The following RFX8 variants were observed in gnomAD, a reference collection of about 807,000 sequenced individuals.
RFX8 encodes the protein DNA-binding protein RFX8.
RFX8 carries 46 observed loss-of-function variants against 54.6 expected under a neutral mutation model. The ratio of observed to expected loss-of-function variants is 0.84; its 90% CI spans 0.67 to 1.08. RFX8 has a LOEUF of 1.08. Among genes scored for constraint, RFX8 ranks in the 50% least tolerant of loss-of-function variants. The pLI is 0.00. For synonymous variants in RFX8, 192 were observed against 209.5 expected, an observed-to-expected ratio of 0.92 and a Z score of 0.72; for missense variants, 536 against 562.3, an observed-to-expected ratio of 0.95 and a Z score of 0.47.
chr2:101,436,402 G>A (rs1231290621), intron 2 of RFX8, among the ~76,000 whole-genome samples: 5 of 152,082 alleles, frequency 3.3e-5, no homozygotes, highest in African/African-American at 1.2e-4. Context: ...AGATGCCCTT[G>A]AACAGCCTGT....
At chr2:101,465,896 T>G (rs1689548286) in intron 2 of RFX8, among the ~76,000 whole-genome samples, 1 of 152,098 alleles carries the variant, frequency 6.6e-6, no homozygotes, top group Non-Finnish European at 1.5e-5. Flanking sequence ...ATAATTGAAG[T>G]CATAACGAAA....
rs1387442183 is a variant in RFX8, at chr2:101,397,535, CAAAT to C, written c.*9_*12del. 2 of 1,499,198 alleles carry C rather than the reference CAAAT, an allele frequency of 1.3e-6. No individual in the cohort carries two copies. Among genetic ancestry groups the C allele is most frequent in the South Asian group, 1.3e-5 (1 of 76,616 alleles). The allele number at this position is 1,499,198 out of a possible 1,614,324, so 92.9% of individuals were successfully genotyped here. On this transcript the variant is annotated 3_prime_UTR_variant, in exon 12 of 12. Coordinates refer to ENST00000428343, the MANE Select transcript of RFX8 (RefSeq NM_001145664.2). ...TCTATCAGTTTTCTTATTCTCTATT[CAAAT>C]AAATAATCTCACACATTAGCATTGT...
chr2:101,427,134 T>C (rs7608371), intron 2 of RFX8, among the ~76,000 whole-genome samples: 141,889 of 152,208 alleles, frequency 0.93, 66,357 homozygotes, highest in South Asian at 0.98. Context: ...CAGTGACCCC[T>C]TCCAGGACTA....
intron 2 of RFX8, among the ~76,000 whole-genome samples, chr2:101,459,683 G>A (rs1296992548): frequency 6.6e-6 from 1 of 152,180 alleles, no homozygotes; most frequent in Non-Finnish European, 1.5e-5. Flanking sequence ...CAGGCTACGT[G>A]GGGGTCAGGG....
At position 101,463,803 on chromosome 2, in the gene RFX8, G is replaced by C. The variant is rs1216471908; in HGVS notation, c.72+2974C>G. 5.3e-5 allele frequency among the ~76,000 whole-genome samples: 8 copies of C among 152,156 alleles called. No individual in the cohort carries two copies. The South Asian group carries it at 8.3e-4, about 16-fold the overall frequency. On this transcript the variant is annotated intron_variant, in intron 2 of 11. Transcript: ENST00000428343. ...AGGCCACACCTGGTGAGCTGTGGGA[G>C]GAGGCAGAGGGAGGGAAGAAGCCCA...
At chr2:101,435,265 G>A (rs1331539198) in intron 2 of RFX8, among the ~76,000 whole-genome samples, 3 of 152,212 alleles carry the variant, frequency 2.0e-5, no homozygotes, top group Non-Finnish European at 4.4e-5. Flanking sequence ...CTTTTTAAAG[G>A]CCTTTAATAA....
intron 2 of RFX8, among the ~76,000 whole-genome samples, chr2:101,450,924 A>G (rs1339897548): frequency 6.6e-6 from 1 of 152,160 alleles, no homozygotes; most frequent in Non-Finnish European, 1.5e-5. Flanking sequence ...TGCTTGCCTG[A>G]TGCAGCACAC....
intron 1 of RFX8, among the ~76,000 whole-genome samples, chr2:101,471,415 C>T (rs1344495826): frequency 6.6e-6 from 1 of 152,140 alleles, no homozygotes; most frequent in Non-Finnish European, 1.5e-5. Flanking sequence ...TTCGATACGG[C>T]TGATCAAAAG....
intron 2 of RFX8, among the ~76,000 whole-genome samples, chr2:101,429,930 A>G (rs1286663019): frequency 2.0e-5 from 3 of 152,154 alleles, no homozygotes; most frequent in Non-Finnish European, 2.9e-5. Flanking sequence ...CGTCCTCCCC[A>G]GCCTCTTGAA....
chr2:101,460,333 A>G (rs1689199266), intron 2 of RFX8, among the ~76,000 whole-genome samples: 1 of 152,040 alleles, frequency 6.6e-6, no homozygotes, highest in Non-Finnish European at 1.5e-5. Context: ...CGTCGATCTC[A>G]CTGAGAGCTG....
rs1182405776 is a variant in RFX8, at chr2:101,430,902, CAGAAA to C, written c.73-8435_73-8431del. On this transcript the variant is annotated intron_variant, in intron 2 of 11. Coordinates refer to ENST00000428343, the MANE Select transcript of RFX8 (RefSeq NM_001145664.2). ...GAAATTTCACTAAATAAAGGGCTCA[CAGAAA>C]AGAAATTTAATCAGCAAAATATGGT... is the stretch of plus-strand genomic sequence containing the variant. Among the ~76,000 whole-genome samples the C allele has an allele frequency of 5.9e-5, 9 of 152,184 alleles. No individual in the cohort carries two copies. The East Asian group carries it at 1.7e-3, about 29-fold the overall frequency.
At chr2:101,466,950 A>C (rs1033770993) in intron 1 of RFX8, 50 bp from the exon 2 acceptor site, 24 of 804,614 alleles carry the variant, frequency 3.0e-5, no homozygotes, top group Middle Eastern at 2.2e-4. Context: ...GTTTTTCTAG[A>C]GCAAAATATT....
At chr2:101,473,416 C>T (rs6707517) in intron 1 of RFX8, among the ~76,000 whole-genome samples, 111,250 of 151,910 alleles carry the variant, frequency 0.73, 41,139 homozygotes, top group African/African-American at 0.76. Flanking sequence ...GATTTTTTTT[C>T]CTCTCATTGA....
intron 9 of RFX8, among the ~76,000 whole-genome samples, chr2:101,406,295 T>G (rs1573352818): frequency 6.6e-6 from 1 of 150,844 alleles, no homozygotes; most frequent in Non-Finnish European, 1.5e-5. Flanking sequence ...AGGAGGGAGG[T>G]AGGAAATTGG....
At position 101,445,486 on chromosome 2, in the gene RFX8, G is replaced by A. The variant is rs556328091; in HGVS notation, c.72+21291C>T. 6.3e-4 allele frequency among the ~76,000 whole-genome samples: 96 copies of A among 151,840 alleles called. 1 individual carries two copies. The South Asian group carries it at 0.014, about 22-fold the overall frequency. On this transcript the variant is annotated intron_variant, in intron 2 of 11. Coordinates refer to ENST00000428343, the MANE Select transcript of RFX8 (RefSeq NM_001145664.2). Reference sequence around the variant, plus strand: ...TAGCTCACTGCAGCCTTGACCTCCCGGGCTCAGGTTACTCTCCCACCTCAG... The same window carrying A: ...TAGCTCACTGCAGCCTTGACCTCCCAGGCTCAGGTTACTCTCCCACCTCAG...
At chr2:101,401,536 TGTG>T (rs1355214106) in intron 11 of RFX8, among the ~76,000 whole-genome samples, 2 of 152,198 alleles carry the variant, frequency 1.3e-5, no homozygotes, top group African/African-American at 2.4e-5. Flanking sequence ...AGGGGGAACT[TGTG>T]GGCACAAAAA....
intron 2 of RFX8, among the ~76,000 whole-genome samples, chr2:101,440,192 T>C (rs1460522929): frequency 6.6e-6 from 1 of 151,960 alleles, no homozygotes; most frequent in African/African-American, 2.4e-5. Context: ...TTTTAAAGCA[T>C]ATCCACAGGG....
chr2:101,421,117 C>T lies in RFX8; in HGVS notation c.237+607G>A, dbSNP rs116524441. 913 of 323,098 alleles carry T rather than the reference C, an allele frequency of 2.8e-3. 7 individuals carry two copies. The highest frequency in any genetic ancestry group is 0.02 in the African/African-American group (883 of 44,686). The allele number at this position is 323,098 out of a possible 1,614,324, so 20.0% of individuals were successfully genotyped here. A position where few individuals can be genotyped will look rare whatever the true frequency, so the allele number is the denominator to read the frequency against. ...ACGCCGAGTAGGTAGTAAATGCGCT[C>T]GTGCTGAATGAGCGTTATCACCCAA... On this transcript the variant is annotated intron_variant, in intron 4 of 11. Transcript: ENST00000428343.
chr2:101,414,324 G>A (rs1478060195), intron 7 of RFX8, among the ~76,000 whole-genome samples: 1 of 152,040 alleles, frequency 6.6e-6, no homozygotes, highest in Non-Finnish European at 1.5e-5. Flanking sequence ...CTGGAGTACA[G>A]TGGCACAATC....
Sources: gnomAD v4.1 joint callset for allele counts (sites outside exome capture counted in the v4.1 genomes callset) on GRCh38, gnomAD v4.1.1 for gene constraint, MANE v1.5 for transcripts, NCBI Gene and HGNC (gene_info 2026-07-23, HGNC 2026-07-21) for gene names.